The following JAKMIP2 variants were observed in gnomAD, a reference collection of about 807,000 sequenced individuals.
JAKMIP2 encodes janus kinase and microtubule interacting protein 2.
Under a neutral mutation model 115.0 loss-of-function variants are expected in JAKMIP2, and 25 were observed. The observed-to-expected ratio is 0.22, with a 90% CI of 0.16 to 0.30. The LOEUF (loss-of-function observed/expected upper bound fraction) is 0.30. Ranked by LOEUF, JAKMIP2 falls within the 10% of genes least tolerant of loss-of-function variation. The pLI is 1.00. For synonymous variants in JAKMIP2, 334 were observed against 343.6 expected (o/e 0.97, Z 0.31); for missense variants, 642 against 957.6 (o/e 0.67, Z 4.35).
intron 1 of JAKMIP2, among the ~76,000 whole-genome samples, chr5:147,751,258 T>TTTG: frequency 7.0e-6 from 1 of 142,306 alleles, no homozygotes; most frequent in Admixed American, 6.8e-5. Context: ...TTGTTGTTGT[T>TTTG]TTTTTTTTTT....
chr5:147,636,235 T>G lies in JAKMIP2; in HGVS notation c.1664A>C (p.Glu555Ala), dbSNP rs1757610987. The G allele has an allele frequency of 6.2e-7, 1 of 1,613,612 alleles. No homozygotes were observed. Among genetic ancestry groups the G allele is most frequent in the Non-Finnish European group, 8.5e-7 (1 of 1,179,646 alleles). The change falls in exon 12 of 22, where the codon GAG becomes GCG. Residue 555 changes from glutamate to alanine, a missense_variant. Transcript: ENST00000616793. Reference protein sequence around the residue: ...DKQLFIKRNQELLEKIEKQEA... With the variant: ...DKQLFIKRNQALLEKIEKQEA... The stretch of plus-strand genomic sequence containing the variant: ...TGCCCAACATACCTTTTCTAAAAGC[T>G]CCTGGTTTCTCTTAATGAAAAGTTG...
At chr5:147,632,555 G>T (rs1237648471) in intron 13 of JAKMIP2, 125 bp downstream of exon 13, 4 of 664,704 alleles carry the variant, frequency 6.0e-6, no homozygotes, top group Non-Finnish European at 5.2e-6. Flanking sequence ...AATTTTGAGG[G>T]TGATTGTGAG....
At chr5:147,594,268 A>G (rs1222487177) in intron 21 of JAKMIP2, 2 of 257,956 alleles carry the variant, frequency 7.8e-6, no homozygotes, top group African/African-American at 4.4e-5. Context: ...GCTACAATTT[A>G]GTTTCCTCAT....
chr5:147,720,673 T>C (rs1364452523), intron 1 of JAKMIP2, among the ~76,000 whole-genome samples: 1 of 151,950 alleles, frequency 6.6e-6, no homozygotes, highest in Non-Finnish European at 1.5e-5. Context: ...CTTCACGTAG[T>C]TCTCGAGCCT....
At chr5:147,628,058 T>G (rs1476738212) in intron 16 of JAKMIP2, among the ~76,000 whole-genome samples, 1 of 151,902 alleles carries the variant, frequency 6.6e-6, no homozygotes, top group Non-Finnish European at 1.5e-5. Flanking sequence ...TTGCCTAGGC[T>G]GAAGTACAGT....
intron 21 of JAKMIP2, among the ~76,000 whole-genome samples, chr5:147,597,185 TC>T (rs2126566603): frequency 6.6e-6 from 1 of 152,078 alleles, no homozygotes; most frequent in East Asian, 1.9e-4. Flanking sequence ...GCCTGGCCGA[TC>T]GTACTAATAC....
intron 19 of JAKMIP2, among the ~76,000 whole-genome samples, chr5:147,615,083 T>A (rs1319147404): frequency 6.6e-6 from 1 of 152,210 alleles, no homozygotes; most frequent in African/African-American, 2.4e-5. Flanking sequence ...ATTTGTTCTG[T>A]GGCTCTGCCC....
At chr5:147,752,476 C>G (rs1754593662) in intron 1 of JAKMIP2, among the ~76,000 whole-genome samples, 3 of 152,186 alleles carry the variant, frequency 2.0e-5, no homozygotes, top group Admixed American at 2.0e-4. Flanking sequence ...TTGACTGGGA[C>G]ACAGCTATGT....
At chr5:147,701,785 C>G (rs1752335028) in intron 1 of JAKMIP2, among the ~76,000 whole-genome samples, 1 of 152,134 alleles carries the variant, frequency 6.6e-6, no homozygotes. Flanking sequence ...GAAATGAGCC[C>G]TCACAAGACA....
In JAKMIP2 at chr5:147,644,152, A is replaced by T. The variant is rs1244155748; in HGVS notation, c.1130T>A (p.Leu377Gln). 1 of 1,606,184 alleles carries T rather than the reference A, an allele frequency of 6.2e-7. No homozygotes were observed. Among genetic ancestry groups the T allele is most frequent in the South Asian group, 1.1e-5 (1 of 89,600 alleles). Residue 377 changes from leucine to glutamine, a missense_variant, in exon 7 of 22, where the codon CTG (leucine) becomes CAG (glutamine). Transcript: ENST00000616793. ...TTCATTAGCTTGGTCGAGGTCATTC[A>T]GAGATTTTAATTTCTTCAGGGGTGG... ...SHPPLKKLKS[L>Q]NDLDQANEEQ... is the part of the protein sequence containing the mutation.
chr5:147,779,587 G>A (rs962746082), intron 1 of JAKMIP2, among the ~76,000 whole-genome samples: 3 of 152,012 alleles, frequency 2.0e-5, no homozygotes, highest in Admixed American at 1.3e-4. Context: ...TTATGAACAG[G>A]TAAATGTTCA....
At chr5:147,660,559 C>A in intron 3 of JAKMIP2, 1 of 402,016 alleles carries the variant, frequency 2.5e-6, no homozygotes, top group South Asian at 1.9e-5. Flanking sequence ...TAAAACTCTA[C>A]AAAGGAAAAG....
intron 1 of JAKMIP2, among the ~76,000 whole-genome samples, chr5:147,711,338 A>T (rs945713890): frequency 2.0e-5 from 3 of 152,224 alleles, no homozygotes; most frequent in Non-Finnish European, 2.9e-5. Flanking sequence ...TTATTAGTTC[A>T]TTCAACAAGT....
intron 1 of JAKMIP2, among the ~76,000 whole-genome samples, chr5:147,682,500 T>C (rs1760340403): frequency 6.6e-6 from 1 of 152,182 alleles, no homozygotes; most frequent in South Asian, 2.1e-4. Flanking sequence ...CCAGTATATA[T>C]ACAGAATGAT....
chr5:147,593,284 AGGGCAGT>A (rs1755188438), intron 21 of JAKMIP2, among the ~76,000 whole-genome samples: 1 of 152,242 alleles, frequency 6.6e-6, no homozygotes, highest in Non-Finnish European at 1.5e-5. Flanking sequence ...GACTGGGAAT[AGGGCAGT>A]GGGCATCCCC....
intron 1 of JAKMIP2, among the ~76,000 whole-genome samples, chr5:147,691,759 C>A (rs955263342): frequency 6.6e-6 from 1 of 152,060 alleles, no homozygotes; most frequent in African/African-American, 2.4e-5. Flanking sequence ...GGAGGTAGAC[C>A]TGGAGCAAAG....
rs182453267 is a variant in JAKMIP2, at chr5:147,607,302, C to T, written c.2412+5004G>A. 0.011 allele frequency among the ~76,000 whole-genome samples: 1,680 copies of T among 152,210 alleles called. 62 individuals carry two copies. In the East Asian group the frequency reaches 0.13, roughly 12 times the overall value. On this transcript the variant is annotated intron_variant, in intron 20 of 21. Coordinates refer to ENST00000616793, the MANE Select transcript of JAKMIP2 (RefSeq NM_001270941.2). ...TTTTGCCCATTCAGTATGATATTGG[C>T]TGTGGGTCTGTCATAAACAGCTCTT...
At chr5:147,741,342 A>G (rs535120427) in intron 1 of JAKMIP2, among the ~76,000 whole-genome samples, 1 of 152,306 alleles carries the variant, frequency 6.6e-6, no homozygotes, top group East Asian at 1.9e-4. Context: ...AGAATGTGAT[A>G]TATCAAAATG....
chr5:147,614,686 G>A (rs1756487143), intron 19 of JAKMIP2, among the ~76,000 whole-genome samples: 1 of 152,196 alleles, frequency 6.6e-6, no homozygotes, highest in South Asian at 2.1e-4. Context: ...AGAAAAGAAG[G>A]AAGAGTTAGT....
Sources: allele counts gnomAD v4.1 joint callset (sites outside exome capture counted in the v4.1 genomes callset), GRCh38; gene constraint gnomAD v4.1.1; transcripts MANE v1.5; gene names NCBI Gene and HGNC (gene_info 2026-07-23, HGNC 2026-07-21).